Variants in POU6F2 observed in about 807,000 individuals in gnomAD.
The protein encoded by POU6F2 is POU domain, class 6, transcription factor 2.
POU6F2 carries 31 observed loss-of-function variants against 71.3 expected under a neutral mutation model. The ratio of observed to expected loss-of-function variants is 0.43; its 90% CI spans 0.33 to 0.59. The LOEUF (loss-of-function observed/expected upper bound fraction) is 0.59, where lower values mean the gene tolerates loss of function less well. Among genes scored for constraint, POU6F2 ranks in the 20% least tolerant of loss-of-function variants. POU6F2 has a pLI of 0.04. For synonymous variants in POU6F2, 347 were observed against 355.7 expected, an observed-to-expected ratio of 0.98 and a Z score of 0.27; for missense variants, 783 against 856.8, an observed-to-expected ratio of 0.91 and a Z score of 1.07.
chr7:39,004,645 AG>A (rs1408389182), intron 1 of POU6F2, among the ~76,000 whole-genome samples: 5 of 152,364 alleles, frequency 3.3e-5, no homozygotes, highest in Middle Eastern at 3.4e-3. Context: ...TTCATCCCAC[AG>A]TTTAACCTGG....
chr7:39,143,135 T>C (rs1792539723), intron 2 of POU6F2, among the ~76,000 whole-genome samples: 1 of 152,220 alleles, frequency 6.6e-6, no homozygotes, highest in Non-Finnish European at 1.5e-5. Context: ...ATGAGGATAT[T>C]ATGCATCAAA....
intron 2 of POU6F2, among the ~76,000 whole-genome samples, chr7:39,124,323 G>A (rs780166624): frequency 2.2e-4 from 34 of 152,178 alleles, no homozygotes; most frequent in Non-Finnish European, 4.6e-4. Context: ...GGGATTACAG[G>A]CATAAGCCAC....
intron 1 of POU6F2, among the ~76,000 whole-genome samples, chr7:39,026,972 T>A (rs1223086586): frequency 1.3e-5 from 2 of 152,106 alleles, no homozygotes; most frequent in African/African-American, 4.8e-5. Flanking sequence ...TACTCAGGGA[T>A]GAATTTAGGC....
chr7:39,368,773 TG>T (rs1190151967), intron 5 of POU6F2, among the ~76,000 whole-genome samples: 9 of 152,194 alleles, frequency 5.9e-5, no homozygotes, highest in Non-Finnish European at 1.2e-4. Context: ...TTAAGAATGA[TG>T]CTAAATCAAC....
At chr7:39,455,960 G>A (rs748749825) in intron 8 of POU6F2, among the ~76,000 whole-genome samples, 4 of 152,182 alleles carry the variant, frequency 2.6e-5, no homozygotes, top group Non-Finnish European at 5.9e-5. Context: ...TCAATGCCAT[G>A]TTAGCCTAAG....
At chr7:39,260,088 C>T (rs956778992) in intron 4 of POU6F2, among the ~76,000 whole-genome samples, 5 of 151,286 alleles carry the variant, frequency 3.3e-5, no homozygotes, top group African/African-American at 9.7e-5. Context: ...ACACACCACA[C>T]GCATTCTCCA....
At chr7:39,143,665 G>A (rs1792555032) in intron 2 of POU6F2, among the ~76,000 whole-genome samples, 1 of 152,146 alleles carries the variant, frequency 6.6e-6, no homozygotes, top group South Asian at 2.1e-4. Context: ...TGAGGTTTTT[G>A]TATTAGTCTT....
chr7:39,070,964 TC>T (rs528900319), intron 1 of POU6F2, among the ~76,000 whole-genome samples: 111 of 152,230 alleles, frequency 7.3e-4, no homozygotes, highest in African/African-American at 2.6e-3. Context: ...ATAGCAGTGG[TC>T]CCCGTTTTTG....
intron 4 of POU6F2, among the ~76,000 whole-genome samples, chr7:39,222,829 T>G (rs1478325781): frequency 6.6e-6 from 1 of 152,246 alleles, no homozygotes; most frequent in Non-Finnish European, 1.5e-5. Flanking sequence ...ACTATTTGAC[T>G]ATTGTGGATG....
chr7:39,004,534 T>TGAG lies in POU6F2; in HGVS notation c.105+26477_105+26479dup, dbSNP rs922541912. On this transcript the variant is annotated intron_variant, in intron 1 of 9. Transcript: ENST00000518318. ...AATTGTTTAGGCATCTTTGGACCTC[T>TGAG]GAGTTAGAGGAAGAAAACTGTGGAC... 1.2e-3 allele frequency among the ~76,000 whole-genome samples: 182 copies of TGAG among 152,326 alleles called. 1 individual carries two copies. The highest frequency in any genetic ancestry group is 3.8e-3 in the African/African-American group (160 of 41,570).
At chr7:39,419,647 C>T (rs180677178) in intron 6 of POU6F2, among the ~76,000 whole-genome samples, 43 of 152,246 alleles carry the variant, frequency 2.8e-4, no homozygotes, top group Non-Finnish European at 5.4e-4. Flanking sequence ...ATTTAGTTAA[C>T]TCACTTCAAT....
chr7:39,086,900 G>A (rs1360591249), intron 2 of POU6F2, among the ~76,000 whole-genome samples: 1 of 151,994 alleles, frequency 6.6e-6, no homozygotes, highest in Non-Finnish European at 1.5e-5. Flanking sequence ...ACAGAGTGAC[G>A]TTAGGTTTTC....
At chr7:39,151,150 T>C (rs1792750332) in intron 2 of POU6F2, among the ~76,000 whole-genome samples, 1 of 152,204 alleles carries the variant, frequency 6.6e-6, no homozygotes, top group Non-Finnish European at 1.5e-5. Flanking sequence ...CATTGCTTTC[T>C]TTGCTATTAA....
chr7:39,081,563 G>A (rs1410550587), intron 1 of POU6F2, among the ~76,000 whole-genome samples: 1 of 152,176 alleles, frequency 6.6e-6, no homozygotes, highest in Non-Finnish European at 1.5e-5. Context: ...AAGGCCAAAG[G>A]TGGTTAAGTG....
chr7:39,270,714 G>A (rs111986740), intron 4 of POU6F2, among the ~76,000 whole-genome samples: 17 of 151,956 alleles, frequency 1.1e-4, no homozygotes, highest in South Asian at 4.2e-4. Context: ...GGAGGGTCGC[G>A]GAGTCCCCTG....
intron 1 of POU6F2, among the ~76,000 whole-genome samples, chr7:39,040,118 T>TGTG (rs1790160292): frequency 1.1e-5 from 1 of 89,024 alleles, no homozygotes. Context: ...TTATATACAT[T>TGTG]TATATATATA....
At chr7:39,036,886 T>C (rs1790077384) in intron 1 of POU6F2, among the ~76,000 whole-genome samples, 1 of 151,404 alleles carries the variant, frequency 6.6e-6, no homozygotes, top group South Asian at 2.1e-4. Flanking sequence ...TTATTATTAT[T>C]ATTATTATTA....
chr7:39,044,584 C>T (rs1790252705), intron 1 of POU6F2, among the ~76,000 whole-genome samples: 1 of 151,922 alleles, frequency 6.6e-6, no homozygotes, highest in Admixed American at 6.6e-5. Flanking sequence ...TTGCCACCTT[C>T]GTCATGAAAT....
At chr7:39,250,018 C>T (rs1340728324) in intron 4 of POU6F2, among the ~76,000 whole-genome samples, 3 of 152,134 alleles carry the variant, frequency 2.0e-5, no homozygotes, top group African/African-American at 4.8e-5. Flanking sequence ...CGTGGGCTCT[C>T]GCAGCACTGA....
Sources: gnomAD v4.1 joint callset for allele counts (sites outside exome capture counted in the v4.1 genomes callset) on GRCh38, gnomAD v4.1.1 for gene constraint, MANE v1.5 for transcripts, NCBI Gene and HGNC (gene_info 2026-07-23, HGNC 2026-07-21) for gene names.